SYT16: variants seen among roughly 807,000 people sequenced by gnomAD.
SYT16 encodes synaptotagmin-16.
SYT16 carries 42 observed loss-of-function variants against 61.4 expected under a neutral mutation model. The observed-to-expected ratio is 0.68, with a 90% CI of 0.53 to 0.89. SYT16 has a LOEUF of 0.89. Ranked by LOEUF, SYT16 falls within the 40% of genes least tolerant of loss-of-function variation. SYT16 has a pLI of 0.00. For missense variants in SYT16, 804 were observed against 807.3 expected (o/e 1.00, Z 0.05); for synonymous variants, 314 against 302.3 (o/e 1.04, Z -0.40).
chr14:62,083,268 T>C (rs1481472649), intron 6 of SYT16, among the ~76,000 whole-genome samples: 3 of 152,144 alleles, frequency 2.0e-5, no homozygotes, highest in Non-Finnish European at 2.9e-5. Flanking sequence ...TGGTCAGAAA[T>C]TTGAAGAAAT....
chr14:62,110,286 G>C lies in SYT16; in HGVS notation c.*9579G>C, dbSNP rs1002826095. ...CTTCATTGTTGCATCTATCAGATGG[G>C]AATAGTAATACTCATTTTACCTATT... is the stretch of plus-strand genomic sequence containing the variant. On this transcript the variant is annotated 3_prime_UTR_variant, in exon 8 of 8. Transcript: ENST00000683842. The C allele has an allele frequency of 1.3e-5, 2 of 152,090 alleles. No homozygotes were observed. Among genetic ancestry groups the C allele is most frequent in the African/African-American group, 4.8e-5 (2 of 41,420 alleles). The allele number at this position is 152,090 out of a possible 1,614,324, so 9.4% of individuals were successfully genotyped here. A position where few individuals can be genotyped will look rare whatever the true frequency, so the allele number is the denominator to read the frequency against.
At chr14:62,086,539 A>T (rs8014067) in intron 7 of SYT16, among the ~76,000 whole-genome samples, 119,865 of 152,162 alleles carry the variant, frequency 0.79, 47,675 homozygotes, top group East Asian at 0.9. Context: ...GAAACTGTTC[A>T]GAATCTCAGT....
chr14:62,100,440 G>A lies in SYT16; in HGVS notation c.1671G>A (p.Met557Ile), dbSNP rs772254059. The A allele has an allele frequency of 1.4e-5, 23 of 1,613,008 alleles. 1 individual carries two copies. The South Asian group carries it at 1.5e-4, about 11-fold the overall frequency. Residue 557 changes from methionine to isoleucine, a missense_variant, in exon 8 of 8, where the codon ATG becomes ATA. Coordinates refer to ENST00000683842, the MANE Select transcript of SYT16 (RefSeq NM_001367656.1). The part of the protein sequence containing the change: ...LFLLNSVGQE[M>I]SRCKTSIRRG... ...TCCTCAATTCTGTGGGTCAAGAGATGTCCCGTTGCAAGACGTCCATTCGGC... is the reference window on the plus strand; with the variant it reads ...TCCTCAATTCTGTGGGTCAAGAGATATCCCGTTGCAAGACGTCCATTCGGC...
intron 3 of SYT16, among the ~76,000 whole-genome samples, chr14:62,046,689 A>G (rs150356849): frequency 0.06 from 9,212 of 152,278 alleles, 340 homozygotes; most frequent in Middle Eastern, 0.17. Context: ...CAGTTTTCCC[A>G]GCACCATTTA....
intron 3 of SYT16, among the ~76,000 whole-genome samples, chr14:62,042,070 C>T (rs2054753519): frequency 6.6e-6 from 1 of 152,188 alleles, no homozygotes; most frequent in South Asian, 2.1e-4. Context: ...TCCTTTCCTA[C>T]TAATTATTCT....
chr14:61,968,469 A>C (rs936383569), intron 1 of SYT16, among the ~76,000 whole-genome samples: 1 of 152,060 alleles, frequency 6.6e-6, no homozygotes, highest in Non-Finnish European at 1.5e-5. Context: ...AAGGGCAAAA[A>C]GCTAGAGAGA....
rs890209833 is a variant in SYT16 at position 62,105,290 on chromosome 14, C to T, written c.*4583C>T. On this transcript the variant is annotated 3_prime_UTR_variant, in exon 8 of 8. Coordinates refer to ENST00000683842, the MANE Select transcript of SYT16 (RefSeq NM_001367656.1). ...TTCATAAATGGACAAGGCATCTTGT[C>T]GCCTTTATCAAAAGAGTTGGTGACA... 2.6e-5 allele frequency: 4 copies of T among 152,118 alleles called. No individual in the cohort carries two copies. The highest frequency in any genetic ancestry group is 7.2e-5 in the African/African-American group (3 of 41,408). 9.4% of individuals were successfully genotyped at this position (152,118 alleles called of 1,614,324 possible).
In SYT16 at chr14:61,838,560, A is replaced by G. The variant is rs565977107; in HGVS notation, c.-325+25750A>G. ...AGGTCTGTGTTTCTGACAGAACACA[A>G]TCTCTTAAATTCATTCCTTTCCTGT... On this transcript the variant is annotated intron_variant, in intron 1 of 7. Coordinates refer to ENST00000683842, the MANE Select transcript of SYT16 (RefSeq NM_001367656.1). Among the ~76,000 whole-genome samples, 74 of 152,308 alleles carry G rather than the reference A, an allele frequency of 4.9e-4. No individual in the cohort carries two copies. The Middle Eastern group carries it at 0.01, about 21-fold the overall frequency.
At chr14:62,050,579 C>T (rs554207118) in intron 3 of SYT16, among the ~76,000 whole-genome samples, 7 of 152,218 alleles carry the variant, frequency 4.6e-5, no homozygotes, top group South Asian at 4.1e-4. Flanking sequence ...TTTTCTGCTC[C>T]GTTTTTCCCC....
upstream of SYT16, chr14:61,812,443 C>G (rs2045297750): frequency 1.4e-5 from 2 of 142,488 alleles, no homozygotes. Context: ...TGGCCGGGAG[C>G]GTGTTTCCAA....
intron 1 of SYT16, among the ~76,000 whole-genome samples, chr14:61,859,967 A>G (rs1437360642): frequency 6.6e-6 from 1 of 152,226 alleles, no homozygotes; most frequent in Non-Finnish European, 1.5e-5. Flanking sequence ...GACATATAAA[A>G]CAAGTCCCTA....
At chr14:61,855,416 G>A (rs908155408) in intron 1 of SYT16, among the ~76,000 whole-genome samples, 1 of 152,170 alleles carries the variant, frequency 6.6e-6, no homozygotes, top group Admixed American at 6.5e-5. Context: ...AAACATCATA[G>A]TTTAGCCTAC....
chr14:61,865,399 T>C, intron 1 of SYT16: 1 of 615,240 alleles, frequency 1.6e-6, no homozygotes, highest in Non-Finnish European at 3.1e-6. Flanking sequence ...TTATGTGATT[T>C]ACAAACTGGG....
At chr14:61,821,587 G>A (rs2045620169) in intron 1 of SYT16, among the ~76,000 whole-genome samples, 1 of 152,206 alleles carries the variant, frequency 6.6e-6, no homozygotes, top group Non-Finnish European at 1.5e-5. Flanking sequence ...GCTTTAGCTA[G>A]AGGCTACCCT....
intron 1 of SYT16, among the ~76,000 whole-genome samples, chr14:61,844,045 C>T (rs966338329): frequency 6.6e-6 from 1 of 152,104 alleles, no homozygotes; most frequent in East Asian, 1.9e-4. Flanking sequence ...TATGAAATAT[C>T]TTTCCATTTT....
intron 6 of SYT16, 27 bp downstream of exon 6, chr14:62,081,301 T>A (rs762103602): frequency 2.5e-6 from 4 of 1,593,416 alleles, no homozygotes; most frequent in Non-Finnish European, 3.4e-6. Flanking sequence ...GTGCTGCTAA[T>A]GATGTGGTGT....
chr14:62,091,462 G>A (rs1037573533), intron 7 of SYT16, among the ~76,000 whole-genome samples: 16 of 152,142 alleles, frequency 1.1e-4, no homozygotes, highest in Non-Finnish European at 1.9e-4. Context: ...AGCAAAAACA[G>A]GAGCGGTAGG....
chr14:62,045,687 G>A (rs549556501), intron 3 of SYT16, among the ~76,000 whole-genome samples: 1 of 152,188 alleles, frequency 6.6e-6, no homozygotes, highest in South Asian at 2.1e-4. Context: ...CCACCTATGA[G>A]TGAGAACATG....
chr14:62,047,775 G>C (rs1328918709), intron 3 of SYT16, among the ~76,000 whole-genome samples: 1 of 152,090 alleles, frequency 6.6e-6, no homozygotes, highest in Non-Finnish European at 1.5e-5. Context: ...GCTGGATTAC[G>C]TTTATTGATT....
Sources: gnomAD v4.1 joint callset for allele counts (sites outside exome capture counted in the v4.1 genomes callset) on GRCh38, gnomAD v4.1.1 for gene constraint, MANE v1.5 for transcripts, NCBI Gene and HGNC (gene_info 2026-07-23, HGNC 2026-07-21) for gene names.